GLIPR1L1: variants seen among roughly 807,000 people sequenced by gnomAD.
GLIPR1L1 encodes the protein GLIPR1 like 1, also known as GLIPR1-like protein 1.
In GLIPR1L1, 26 loss-of-function variants were observed where a neutral mutation model predicts 29.9. The observed-to-expected ratio is 0.87, with a 90% CI of 0.64 to 1.21. The LOEUF is 1.21. Among genes scored for constraint, GLIPR1L1 ranks in the 50% most tolerant of loss-of-function variants. GLIPR1L1 has a pLI of 0.00. For synonymous variants in GLIPR1L1, 77 were observed against 97.5 expected (o/e 0.79, Z 1.24); for missense variants, 305 against 290.3 (o/e 1.05, Z -0.37).
intron 2 of GLIPR1L1, among the ~76,000 whole-genome samples, chr12:75,344,657 T>A (rs2042331964): frequency 6.6e-6 from 1 of 152,144 alleles, no homozygotes; most frequent in African/African-American, 2.4e-5. Flanking sequence ...TTCCATCATA[T>A]CATGTTGGGT....
intron 3 of GLIPR1L1, among the ~76,000 whole-genome samples, chr12:75,350,660 A>G (rs2042745164): frequency 6.6e-6 from 1 of 152,212 alleles, no homozygotes; most frequent in Admixed American, 6.5e-5. Flanking sequence ...AACAGCATCA[A>G]TAAAAAAAGA....
chr12:75,362,532 T>C (rs2139609099), intron 3 of GLIPR1L1, among the ~76,000 whole-genome samples: 1 of 152,338 alleles, frequency 6.6e-6, no homozygotes, highest in South Asian at 2.1e-4. Flanking sequence ...TGGCATATTC[T>C]TTAATGGAAT....
intron 4 of GLIPR1L1, chr12:75,369,616 A>C: frequency 1.0e-6 from 1 of 984,920 alleles, no homozygotes; most frequent in Non-Finnish European, 1.2e-6. Flanking sequence ...TCTGCATACA[A>C]AAAATTCAAC....
At chr12:75,351,223 A>T (rs1415675985) in intron 3 of GLIPR1L1, among the ~76,000 whole-genome samples, 1 of 152,216 alleles carries the variant, frequency 6.6e-6, no homozygotes, top group Non-Finnish European at 1.5e-5. Flanking sequence ...GGGGTACCTG[A>T]AATAAATGGG....
chr12:75,336,341 C>T (rs977474765), intron 1 of GLIPR1L1, among the ~76,000 whole-genome samples: 2 of 151,592 alleles, frequency 1.3e-5, no homozygotes, highest in African/African-American at 4.8e-5. Context: ...TAAAACTTAA[C>T]CATGTTAAAA....
intron 3 of GLIPR1L1, among the ~76,000 whole-genome samples, chr12:75,362,766 C>T (rs2043690733): frequency 4.6e-5 from 7 of 152,066 alleles, no homozygotes; most frequent in Admixed American, 4.6e-4. Context: ...TATGTTCATA[C>T]TTAAATATTA....
intron 4 of GLIPR1L1, chr12:75,369,696 T>C: frequency 1.0e-6 from 1 of 985,078 alleles, no homozygotes; most frequent in Non-Finnish European, 1.2e-6. Flanking sequence ...AGTTAACTAC[T>C]TTATAGCTTT....
At chr12:75,336,960 C>T (rs1216342894) in intron 1 of GLIPR1L1, among the ~76,000 whole-genome samples, 1 of 151,544 alleles carries the variant, frequency 6.6e-6, no homozygotes, top group African/African-American at 2.4e-5. Context: ...ATAAAGTGTG[C>T]AAAATCTCCC....
chr12:75,341,588 A>T (rs557103064), intron 1 of GLIPR1L1, among the ~76,000 whole-genome samples: 1 of 151,844 alleles, frequency 6.6e-6, no homozygotes, highest in Non-Finnish European at 1.5e-5. Context: ...CTGAGACTAC[A>T]GGCGCCCGCC....
rs139581556 is a variant in GLIPR1L1 at position 75,345,674 on chromosome 12, G to A, written c.420+1736G>A. On this transcript the variant is annotated intron_variant, in intron 2 of 5. Coordinates refer to ENST00000378695, the MANE Select transcript of GLIPR1L1 (RefSeq NM_001304964.2). ...AAATGTTGGTAAAGTATATGGTTTG[G>A]ATACTAAGGGAAAATTGAGAGAATG... Among the ~76,000 whole-genome samples, 314 of 152,252 alleles carry A rather than the reference G, an allele frequency of 2.1e-3. 2 individuals are homozygous for A. The highest frequency in any genetic ancestry group is 0.014 in the Middle Eastern group (4 of 294).
intron 4 of GLIPR1L1, among the ~76,000 whole-genome samples, chr12:75,368,236 T>C (rs1372851335): frequency 6.6e-6 from 1 of 151,508 alleles, no homozygotes; most frequent in African/African-American, 2.4e-5. Context: ...GATGGCTAGA[T>C]TCTTTTTAAC....
intron 4 of GLIPR1L1, 148 bp from the exon 5 acceptor site, chr12:75,369,811 AG>A: frequency 7.8e-7 from 1 of 1,289,780 alleles, no homozygotes; most frequent in Non-Finnish European, 9.8e-7. Flanking sequence ...TAAGTACTGT[AG>A]GATTGAGTAG....
intron 1 of GLIPR1L1, among the ~76,000 whole-genome samples, chr12:75,336,520 T>C (rs1377535124): frequency 1.3e-5 from 2 of 151,814 alleles, no homozygotes; most frequent in Admixed American, 6.6e-5. Context: ...TATTTATGGC[T>C]ACTGAAGTAG....
At chr12:75,343,295 A>AT (rs903364730) in intron 1 of GLIPR1L1, among the ~76,000 whole-genome samples, 47 of 151,762 alleles carry the variant, frequency 3.1e-4, no homozygotes, top group African/African-American at 9.7e-4. Context: ...AATTAAGGGG[A>AT]TTTTTTCTTT....
chr12:75,334,723 C>T lies in GLIPR1L1; in HGVS notation c.-6C>T, dbSNP rs369697893. Reference sequence around the variant, plus strand: ...AGGGCATCCTCCGCATCCTCCACATCCTTCCATGGCTCTGAAGAATAAATT... The same window carrying T: ...AGGGCATCCTCCGCATCCTCCACATTCTTCCATGGCTCTGAAGAATAAATT... On this transcript the variant is annotated 5_prime_UTR_variant, in exon 1 of 6. Transcript: ENST00000378695. 13 of 1,611,448 alleles carry T rather than the reference C, an allele frequency of 8.1e-6. No individual in the cohort carries two copies. Among genetic ancestry groups the T allele is most frequent in the Non-Finnish European group, 1.1e-5 (13 of 1,178,482 alleles).
intron 4 of GLIPR1L1, chr12:75,369,610 C>T (rs2044223649): frequency 2.0e-6 from 2 of 984,366 alleles, no homozygotes; most frequent in African/African-American, 1.7e-5. Context: ...ATGAGTTCTG[C>T]ATACAAAAAA....
chr12:75,337,925 A>G (rs1213609406), intron 1 of GLIPR1L1, among the ~76,000 whole-genome samples: 3 of 152,086 alleles, frequency 2.0e-5, no homozygotes, highest in Non-Finnish European at 4.4e-5. Flanking sequence ...ATATTTAACC[A>G]ATGTATGAAT....
Position 75,334,676 on chromosome 12 carries a change from G to GC in GLIPR1L1, c.-51dup. 1 of 1,576,180 alleles carries GC rather than the reference G, an allele frequency of 6.3e-7. No individual in the cohort carries two copies. The highest frequency in any genetic ancestry group is 8.6e-7 in the Non-Finnish European group (1 of 1,160,986). ...GGCGTGGGGAAATCGGGTTGCCCCA[G>GC]CCGTTACTGGTCCGCGCAGTCAGGG... On this transcript the variant is annotated 5_prime_UTR_variant, in exon 1 of 6. Transcript: ENST00000378695.
intron 1 of GLIPR1L1, among the ~76,000 whole-genome samples, chr12:75,336,075 A>C (rs1453555488): frequency 6.6e-6 from 1 of 152,058 alleles, no homozygotes; most frequent in South Asian, 2.1e-4. Context: ...TGCATAAAAA[A>C]TGAAGTGAAG....
Sources: allele counts gnomAD v4.1 joint callset (sites outside exome capture counted in the v4.1 genomes callset), GRCh38; gene constraint gnomAD v4.1.1; transcripts MANE v1.5; gene names NCBI Gene and HGNC (gene_info 2026-07-23, HGNC 2026-07-21).